Variants in FLI1 observed in about 807,000 individuals in gnomAD.
FLI1 encodes the protein Fli-1 proto-oncogene, ETS transcription factor.
FLI1 carries 13 observed loss-of-function variants against 53.1 expected under a neutral mutation model. The observed-to-expected ratio is 0.24, with a 90% CI of 0.16 to 0.39. The LOEUF is 0.39. Ranked by LOEUF, FLI1 falls within the 10% of genes least tolerant of loss-of-function variation. FLI1 has a pLI of 1.00. For synonymous variants in FLI1, 244 were observed against 236.7 expected, an observed-to-expected ratio of 1.03 and a Z score of -0.28; for missense variants, 424 against 600.5, an observed-to-expected ratio of 0.71 and a Z score of 3.07.
At chr11:128,782,582 C>A (rs886758386) in intron 5 of FLI1, among the ~76,000 whole-genome samples, 1 of 152,104 alleles carries the variant, frequency 6.6e-6, no homozygotes, top group Admixed American at 6.5e-5. Context: ...CCTGTAATTC[C>A]AGCTACTCAG....
At chr11:128,707,562 C>T (rs1288354877) in intron 1 of FLI1, among the ~76,000 whole-genome samples, 1 of 152,160 alleles carries the variant, frequency 6.6e-6, no homozygotes, top group Non-Finnish European at 1.5e-5. Context: ...CTGCTCTGGG[C>T]TTCTAAGCCA....
intron 1 of FLI1, among the ~76,000 whole-genome samples, chr11:128,714,975 G>C (rs1045501354): frequency 2.0e-5 from 3 of 152,088 alleles, no homozygotes; most frequent in African/African-American, 7.2e-5. Flanking sequence ...CCAAAGTGCT[G>C]GGATGACAGG....
At chr11:128,790,119 CA>C (rs1942226259) in intron 5 of FLI1, among the ~76,000 whole-genome samples, 3 of 150,736 alleles carry the variant, frequency 2.0e-5, no homozygotes, top group Admixed American at 2.0e-4. Flanking sequence ...TTCTGTGGTC[CA>C]AAGGCAAGAT....
At chr11:128,737,874 G>C (rs1276437122) in intron 1 of FLI1, among the ~76,000 whole-genome samples, 1 of 152,200 alleles carries the variant, frequency 6.6e-6, no homozygotes, top group African/African-American at 2.4e-5. Flanking sequence ...TTGGCTGTCA[G>C]AAGTAGGATT....
intron 2 of FLI1, among the ~76,000 whole-genome samples, chr11:128,767,610 C>T (rs1941394065): frequency 6.6e-6 from 1 of 152,248 alleles, no homozygotes; most frequent in East Asian, 1.9e-4. Flanking sequence ...TTGCTGCTCA[C>T]CTCCTGTAAG....
intron 2 of FLI1, among the ~76,000 whole-genome samples, chr11:128,760,165 G>C (rs1301242151): frequency 1.3e-5 from 2 of 152,178 alleles, no homozygotes; most frequent in Non-Finnish European, 2.9e-5. Flanking sequence ...TGTGTTGAAC[G>C]TTTTCCCATA....
At chr11:128,701,334 A>G (rs1313207649) in intron 1 of FLI1, among the ~76,000 whole-genome samples, 3 of 152,178 alleles carry the variant, frequency 2.0e-5, no homozygotes, top group Admixed American at 6.5e-5. Context: ...AAAAAGAAAA[A>G]AAAAAGTCTC....
At chr11:128,731,369 G>A (rs186701901) in intron 1 of FLI1, among the ~76,000 whole-genome samples, 18 of 152,302 alleles carry the variant, frequency 1.2e-4, no homozygotes, top group Non-Finnish European at 2.1e-4. Flanking sequence ...GATAGATGGT[G>A]CAAAACACAC....
chr11:128,807,575 C>G lies in FLI1; in HGVS notation c.781+336C>G, dbSNP rs181408966. On this transcript the variant is annotated intron_variant, in intron 7 of 8. Coordinates refer to ENST00000527786, the MANE Select transcript of FLI1 (RefSeq NM_002017.5). ...AAGAAATAGGGCTACAATCCCAGAT[C>G]CCCCAAATTCCTGTCCAAGCCTTTT... Among the ~76,000 whole-genome samples the G allele has an allele frequency of 2.4e-3, 363 of 152,260 alleles. 1 individual carries two copies. The highest frequency in any genetic ancestry group is 8.4e-3 in the African/African-American group (350 of 41,542).
intron 1 of FLI1, among the ~76,000 whole-genome samples, chr11:128,696,191 G>A (rs1938066123): frequency 6.6e-6 from 1 of 152,108 alleles, no homozygotes; most frequent in Non-Finnish European, 1.5e-5. Flanking sequence ...TTTGTGGGTG[G>A]TAGGAGCCAT....
intron 1 of FLI1, among the ~76,000 whole-genome samples, chr11:128,701,281 G>A (rs1287881331): frequency 6.6e-6 from 1 of 152,014 alleles, no homozygotes; most frequent in East Asian, 1.9e-4. Flanking sequence ...TACAATTTTA[G>A]TTCCTTTTGA....
At chr11:128,686,434 G>C, upstream of FLI1, 1 of 456,176 alleles carries the variant, frequency 2.2e-6, no homozygotes, top group East Asian at 6.9e-5. Flanking sequence ...CCCCTGGCCT[G>C]AAGCCCGGGG....
At chr11:128,699,772 G>C (rs1938242394) in intron 1 of FLI1, among the ~76,000 whole-genome samples, 2 of 152,188 alleles carry the variant, frequency 1.3e-5, no homozygotes, top group South Asian at 4.1e-4. Flanking sequence ...AGGGTTATAT[G>C]TCCCCACACT....
At chr11:128,732,236 T>C (rs1246572505) in intron 1 of FLI1, among the ~76,000 whole-genome samples, 1 of 152,222 alleles carries the variant, frequency 6.6e-6, no homozygotes, top group African/African-American at 2.4e-5. Flanking sequence ...TACCAGATTA[T>C]TCTCCAGCTA....
chr11:128,736,910 C>A (rs531280470), intron 1 of FLI1, among the ~76,000 whole-genome samples: 2 of 152,200 alleles, frequency 1.3e-5, no homozygotes, highest in Non-Finnish European at 2.9e-5. Context: ...GAGCCTGACT[C>A]AGCATCCCAA....
At chr11:128,768,338 T>G (rs1200624506) in intron 3 of FLI1, 66 bp downstream of exon 3, 2 of 1,582,496 alleles carry the variant, frequency 1.3e-6, no homozygotes, top group Non-Finnish European at 1.7e-6. Flanking sequence ...GCAGGGAGCA[T>G]CTAAACCTTT....
At chr11:128,764,273 T>C (rs1315755143) in intron 2 of FLI1, among the ~76,000 whole-genome samples, 2 of 152,232 alleles carry the variant, frequency 1.3e-5, no homozygotes, top group African/African-American at 4.8e-5. Flanking sequence ...TTGCAAAGCT[T>C]TTTTTGGAAA....
At chr11:128,768,452 C>A in intron 3 of FLI1, 180 bp downstream of exon 3, 2 of 657,974 alleles carry the variant, frequency 3.0e-6, no homozygotes, top group East Asian at 2.8e-5. Context: ...GAGGCCAAGA[C>A]GGGTGAATCA....
intron 5 of FLI1, among the ~76,000 whole-genome samples, chr11:128,796,166 A>G (rs758911307): frequency 1.4e-4 from 22 of 152,154 alleles, no homozygotes; most frequent in Non-Finnish European, 2.5e-4. Flanking sequence ...GAAATTATGG[A>G]ATTTCTTCCC....
Sources: allele counts gnomAD v4.1 joint callset (sites outside exome capture counted in the v4.1 genomes callset), GRCh38; gene constraint gnomAD v4.1.1; transcripts MANE v1.5; gene names NCBI Gene and HGNC (gene_info 2026-07-23, HGNC 2026-07-21).